Variants in MBD6 observed in about 807,000 individuals in gnomAD.
MBD6 encodes methyl-CpG binding domain protein 6.
A neutral mutation model predicts 66.8 loss-of-function variants in MBD6; 22 were observed. The ratio of observed to expected loss-of-function variants is 0.33; its 90% CI spans 0.24 to 0.47. MBD6 has a LOEUF of 0.47. Ranked by LOEUF, MBD6 falls within the 20% of genes least tolerant of loss-of-function variation. The pLI is 1.00. For synonymous variants in MBD6, 540 were observed against 534.6 expected (o/e 1.01, Z -0.14); for missense variants, 1,322 against 1,286.9 (o/e 1.03, Z -0.42).
In MBD6 at chr12:57,526,032, ACTC is replaced by A; in HGVS notation, c.1068_1070del (p.Ser358del). ...CGTGCCCAGGCACCCTCAGCTTCCC[ACTC>A]CTCATCACTTCGTCCCTCTCAGCGT... On this transcript the variant is annotated inframe_deletion, in exon 6 of 13. Coordinates refer to ENST00000355673, the MANE Select transcript of MBD6 (RefSeq NM_052897.4). 6.3e-7 allele frequency: 1 copy of A among 1,599,154 alleles called. No homozygotes were observed. The highest frequency in any genetic ancestry group is 8.5e-7 in the Non-Finnish European group (1 of 1,175,338).
rs1879069097 is a variant in MBD6, at chr12:57,527,373, G to A, written c.2083-134G>A. The A allele has an allele frequency of 3.3e-6, 4 of 1,228,418 alleles. No individual in the cohort carries two copies. The South Asian group carries it at 5.5e-5, about 17-fold the overall frequency. The allele number at this position is 1,228,418 out of a possible 1,614,324, so 76.1% of individuals were successfully genotyped here. ...GTTCTTGGCTGGGGGTAGGATGACT[G>A]CAAGAATTGGGTCTGTATTTAATAA... On this transcript the variant is annotated intron_variant, in intron 7 of 12. Transcript: ENST00000355673.
Position 57,527,499 on chromosome 12 carries a change from TTTC to T in MBD6, c.2083-5_2083-3del, listed in dbSNP as rs752791552. On this transcript the variant is annotated splice_region_variant and splice_polypyrimidine_tract_variant and intron_variant, in intron 7 of 12. Transcript: ENST00000355673. Reference sequence around the variant, plus strand: ...CGCGTAAGTGTTAGAATCATTCTTTTTTCTTAGCCCTGTGTCCTGAGTGCCCCC... The same window carrying T: ...CGCGTAAGTGTTAGAATCATTCTTTTTTAGCCCTGTGTCCTGAGTGCCCCC... The T allele has an allele frequency of 1.1e-5, 17 of 1,614,030 alleles. No homozygotes were observed. The East Asian group carries it at 3.6e-4, about 34-fold the overall frequency.
Position 57,527,632 on chromosome 12 carries a change from T to G in MBD6, c.2208T>G (p.Leu736=). Residue 736 remains leucine (L), a synonymous_variant, in exon 8 of 13, where the codon CTT becomes CTG. Coordinates refer to ENST00000355673, the MANE Select transcript of MBD6 (RefSeq NM_052897.4). ...PSNSGRPPQL[L]SPLLGASLLG... ...ACTCAGGGAGACCCCCCCAACTCCT[T>G]AGCCCTCTGCTGGGTGCCAGCCTGC... is the stretch of plus-strand genomic sequence containing the variant. The G allele has an allele frequency of 6.2e-7, 1 of 1,608,570 alleles. No homozygotes were observed. The highest frequency in any genetic ancestry group is 8.5e-7 in the Non-Finnish European group (1 of 1,177,534).
chr12:57,527,668 TGAGGGA>T lies in MBD6; in HGVS notation c.2236+10_2236+15del, dbSNP rs1879112155. The T allele has an allele frequency of 6.3e-7, 1 of 1,577,550 alleles. No individual in the cohort carries two copies. The highest frequency in any genetic ancestry group is 8.6e-7 in the Non-Finnish European group (1 of 1,163,024). On this transcript the variant is annotated intron_variant, in intron 8 of 12. Transcript: ENST00000355673. ...TGGGTGCCAGCCTGCTGGGTGAGTC[TGAGGGA>T]GTGTGAATTCACACTCTTGGTGTGA... is the stretch of plus-strand genomic sequence containing the variant.
Position 57,526,634 on chromosome 12 carries a change from G to A in MBD6, c.1489G>A (p.Glu497Lys), listed in dbSNP as rs746957309. ...CAGCCCTGTGCTTCAAAGCCCATCCGAAGGACTGGGGATGGGGGCAGGCCC... is the reference window on the plus strand; with the variant it reads ...CAGCCCTGTGCTTCAAAGCCCATCCAAAGGACTGGGGATGGGGGCAGGCCC... ...VPSPVLQSPS[E>K]GLGMGAGPAC... is the part of the protein sequence containing the mutation. The change falls in exon 7 of 13, where the codon GAA becomes AAA. Residue 497 changes from glutamate to lysine, a missense_variant. Glu to Lys is a moderately conservative substitution (Grantham distance 56). Transcript: ENST00000355673. 7.3e-6 allele frequency: 11 copies of A among 1,513,494 alleles called. No individual in the cohort carries two copies. The highest frequency in any genetic ancestry group is 1.8e-4 in the Middle Eastern group (1 of 5,598). 93.8% of individuals were successfully genotyped at this position (1,513,494 alleles called of 1,614,324 possible).
chr12:57,527,115 G>A lies in MBD6; in HGVS notation c.1970G>A (p.Gly657Glu), dbSNP rs1879039275. ...AGTGGGGAGCCATTTTCAGGCTTGG[G>A]AGACCTGTCCCCCCTACTTTTCCCC... is the stretch of plus-strand genomic sequence containing the variant. Reference protein sequence around the residue: ...GPSGEPFSGLGDLSPLLFPPL... With the variant: ...GPSGEPFSGLEDLSPLLFPPL... Residue 657 changes from glycine to glutamate, a missense_variant, in exon 7 of 13, where the codon GGA becomes GAA. Gly to Glu is a moderately conservative substitution (Grantham distance 98, BLOSUM62 -2). Coordinates refer to ENST00000355673, the MANE Select transcript of MBD6 (RefSeq NM_052897.4). 2 of 1,586,302 alleles carry A rather than the reference G, an allele frequency of 1.3e-6. No individual in the cohort carries two copies. The highest frequency in any genetic ancestry group is 1.7e-6 in the Non-Finnish European group (2 of 1,164,138).
Position 57,524,983 on chromosome 12 carries a change from AC to A in MBD6, c.251del (p.Pro84ArgfsTer14). The A allele has an allele frequency of 6.2e-7, 1 of 1,605,182 alleles. No individual in the cohort carries two copies. On this transcript the variant is annotated frameshift_variant, in exon 5 of 13. Coordinates refer to ENST00000355673, the MANE Select transcript of MBD6 (RefSeq NM_052897.4). LOFTEE classifies it high-confidence loss of function. ...CAACTTTGACCCTTTGGCCCCGGTG[AC>A]CCCGGGTGGGGCTGGGGTGGGGCCA... ...VFNFDPLAPV[T>X]PGGAGVGPAS... is the part of the protein sequence containing the mutation.
chr12:57,522,711 C>A (rs1173149380), upstream of MBD6: 1 of 154,218 alleles, frequency 6.5e-6, no homozygotes, highest in East Asian at 1.9e-4. Context: ...CTCTCCCGTC[C>A]GGGCAGCGGC....
chr12:57,526,461 A>G (rs762362667), intron 6 of MBD6, 73 bp downstream of exon 6: 9 of 1,521,024 alleles, frequency 5.9e-6, no homozygotes, highest in Non-Finnish European at 5.3e-6. Flanking sequence ...GGGAATGTTC[A>G]GAGAGCTCTT....
At chr12:57,523,105 C>T (rs1878531036) in intron 1 of MBD6, 94 bp downstream of exon 1, 1 of 145,968 alleles carries the variant, frequency 6.9e-6, no homozygotes, top group African/African-American at 2.5e-5. Context: ...TTTCCCCGGC[C>T]CCATCCCCAC....
chr12:57,529,435 C>CCG lies in MBD6; in HGVS notation c.*202_*203insGC. On this transcript the variant is annotated 3_prime_UTR_variant, in exon 13 of 13. Coordinates refer to ENST00000355673, the MANE Select transcript of MBD6 (RefSeq NM_052897.4). ...GGAAGTTCACCCCCCCCCACCACCC[C>CCG]CCCGCCCCCCCGAAGCCATGTCACT... The CCG allele has an allele frequency of 1.8e-6, 1 of 546,878 alleles. No individual in the cohort carries two copies. The allele number at this position is 546,878 out of a possible 1,614,324, so 33.9% of individuals were successfully genotyped here.
At chr12:57,524,677 G>A (rs375412301) in intron 3 of MBD6, 43 bp from the exon 4 acceptor site, 118 of 1,571,030 alleles carry the variant, frequency 7.5e-5, no homozygotes, top group Middle Eastern at 1.7e-4. Flanking sequence ...TGCCTGATTC[G>A]CTGCCAGCTA....
At chr12:57,528,840 G>GATA in intron 11 of MBD6, 106 bp from the exon 12 acceptor site, 1 of 1,599,590 alleles carries the variant, frequency 6.3e-7, no homozygotes, top group Non-Finnish European at 8.5e-7. Context: ...TATGAATAAG[G>GATA]ATATTATGCC....
At chr12:57,530,858 G>C, downstream of MBD6, 1 of 1,204,570 alleles carries the variant, frequency 8.3e-7, no homozygotes, top group South Asian at 1.3e-5. Flanking sequence ...CTCTGAGAGA[G>C]AAGACAAGAA....
At chr12:57,524,638 G>A (rs1878717529) in intron 3 of MBD6, 82 bp from the exon 4 acceptor site, 1 of 1,314,440 alleles carries the variant, frequency 7.6e-7, no homozygotes, top group Non-Finnish European at 1.1e-6. Context: ...AGGAGGATCT[G>A]TAACTTAAGC....
Position 57,528,484 on chromosome 12 carries a change from A to G in MBD6, c.2744A>G (p.His915Arg), listed in dbSNP as rs1489097951. 2.5e-6 allele frequency: 4 copies of G among 1,613,894 alleles called. No homozygotes were observed. In the East Asian group the frequency reaches 6.7e-5, roughly 27 times the overall value. Residue 915 changes from histidine (H) to arginine (R), a missense_variant, in exon 10 of 13, where the codon CAT becomes CGT. Physicochemically the swap from His to Arg is conservative, Grantham distance 29 (BLOSUM62 0). Coordinates refer to ENST00000355673, the MANE Select transcript of MBD6 (RefSeq NM_052897.4). Reference protein sequence around the residue: ...RSPRRTHHWQHNGELAEGGAE... With the variant: ...RSPRRTHHWQRNGELAEGGAE... The stretch of plus-strand genomic sequence containing the variant: ...CCAAGAAGAACCCACCATTGGCAGC[A>G]TAATGGGGAGCTGGCTGAAGGGGGT...
chr12:57,527,818 G>C, intron 8 of MBD6, 30 bp from the exon 9 acceptor site: 1 of 1,610,046 alleles, frequency 6.2e-7, no homozygotes, highest in Non-Finnish European at 8.5e-7. Flanking sequence ...TTTGCCTAGG[G>C]AGAGACCCCT....
At position 57,526,877 on chromosome 12, in the gene MBD6, C is replaced by T. The variant is rs1263540200; in HGVS notation, c.1732C>T (p.Pro578Ser). The T allele has an allele frequency of 6.2e-7, 1 of 1,613,256 alleles. No individual in the cohort carries two copies. ...GGQPPPEPLL[P>S]PPGGPGPPLA... ...ACAACCTCCCCCTGAGCCCCTGCTACCCCCACCAGGAGGACCTGGTCCTCC... is the reference window on the plus strand; with the variant it reads ...ACAACCTCCCCCTGAGCCCCTGCTATCCCCACCAGGAGGACCTGGTCCTCC... Residue 578 changes from proline to serine, a missense_variant, in exon 7 of 13, where the codon CCC (proline) becomes TCC (serine). Physicochemically the swap from Pro to Ser is moderately conservative, Grantham distance 74. Coordinates refer to ENST00000355673, the MANE Select transcript of MBD6 (RefSeq NM_052897.4).
chr12:57,522,737 T>TGCGGCGGCG (rs1278167445), upstream of MBD6: 2 of 155,486 alleles, frequency 1.3e-5, no homozygotes, highest in African/African-American at 5.0e-5. Context: ...CGGCGGCTCC[T>TGCGGCGGCG]GCGGCGGCGG....
Sources: gnomAD v4.1 joint callset for allele counts on GRCh38, gnomAD v4.1.1 for gene constraint, MANE v1.5 for transcripts, NCBI Gene and HGNC (gene_info 2026-07-23, HGNC 2026-07-21) for gene names.